Variants in PRKN observed in about 807,000 individuals in gnomAD.
PRKN encodes parkin RBR E3 ubiquitin protein ligase, also known as E3 ubiquitin-protein ligase parkin.
In PRKN, 56 loss-of-function variants were observed where a neutral mutation model predicts 59.5. That is an observed-to-expected ratio of 0.94 (90% CI 0.76 to 1.18). The LOEUF is 1.18. Among genes scored for constraint, PRKN ranks in the 50% most tolerant of loss-of-function variants. PRKN has a pLI of 0.00. For synonymous variants in PRKN, 250 were observed against 222.1 expected (o/e 1.13, Z -1.12); for missense variants, 657 against 596.4 (o/e 1.10, Z -1.06).
chr6:162,433,192 G>A (rs1583565012), intron 2 of PRKN, among the ~76,000 whole-genome samples: 1 of 152,266 alleles, frequency 6.6e-6, no homozygotes, highest in South Asian at 2.1e-4. Context: ...TTGCTTATGT[G>A]TCAGTCCTTT....
chr6:161,384,096 T>A (rs997127396), intron 10 of PRKN, among the ~76,000 whole-genome samples: 1 of 152,106 alleles, frequency 6.6e-6, no homozygotes, highest in African/African-American at 2.4e-5. Flanking sequence ...TAACTATACC[T>A]CCTCAGAATT....
chr6:161,777,054 A>C (rs1789955699), intron 7 of PRKN, among the ~76,000 whole-genome samples: 1 of 152,076 alleles, frequency 6.6e-6, no homozygotes, highest in Non-Finnish European at 1.5e-5. Flanking sequence ...TAGAGCCATA[A>C]CTCTCTGGCT....
rs1462019993 is a variant in PRKN, at chr6:161,423,318, A to G, written c.1084-36441T>C. Among the ~76,000 whole-genome samples, 1 of 152,216 alleles carries G rather than the reference A, an allele frequency of 6.6e-6. No homozygotes were observed. The highest frequency in any genetic ancestry group is 1.5e-5 in the Non-Finnish European group (1 of 68,046). The stretch of plus-strand genomic sequence containing the variant: ...CTTTCTAATGTACATAGAGGTGTCT[A>G]CATGCAAACGGATAGCAGCTGAGAC... On this transcript the variant is annotated intron_variant, in intron 9 of 11. Transcript: ENST00000366898. The surrounding 1 kb of genome is among the most constrained non-coding windows in gnomAD (Gnocchi z 5.9).
At chr6:162,043,121 C>T (rs1784127376) in intron 5 of PRKN, among the ~76,000 whole-genome samples, 1 of 152,114 alleles carries the variant, frequency 6.6e-6, no homozygotes, top group Non-Finnish European at 1.5e-5. Context: ...CTGATAAACC[C>T]ATCAGATCTC....
rs368443102 is a variant in PRKN at position 161,581,041 on chromosome 6, A to AACACAG, written c.872-11626_872-11625insCTGTGT. ...ACACAGTGAAATCCTGTCTCTACTAAACACACACACACACACACACACACA... is the reference window on the plus strand; with the variant it reads ...ACACAGTGAAATCCTGTCTCTACTAAACACAGACACACACACACACACACACACACA... On this transcript the variant is annotated intron_variant, in intron 7 of 11. Transcript: ENST00000366898. This position sits in a 1 kb window ranked among gnomAD's most constrained non-coding sequence, Gnocchi z 4.5. Among the ~76,000 whole-genome samples the AACACAG allele has an allele frequency of 7.3e-6, 1 of 137,538 alleles. No individual in the cohort carries two copies. Among genetic ancestry groups the AACACAG allele is most frequent in the Non-Finnish European group, 1.6e-5 (1 of 64,424 alleles). 90.2% of individuals were successfully genotyped at this position (137,538 alleles called of 152,430 possible). A position where few individuals can be genotyped will look rare whatever the true frequency, so the allele number is the denominator to read the frequency against.
chr6:162,256,258 T>C (rs1206669047), intron 3 of PRKN, among the ~76,000 whole-genome samples: 2 of 152,190 alleles, frequency 1.3e-5, no homozygotes, highest in Non-Finnish European at 2.9e-5. Context: ...AGATATTTTA[T>C]TAATTCTGTT....
chr6:161,772,692 T>C (rs892461677), intron 7 of PRKN, among the ~76,000 whole-genome samples: 1 of 152,224 alleles, frequency 6.6e-6, no homozygotes, highest in Non-Finnish European at 1.5e-5. Context: ...TCCAGTTTGC[T>C]TTTAAATCTC....
chr6:162,326,829 TGG>T (rs1364026752), intron 2 of PRKN, among the ~76,000 whole-genome samples: 1 of 152,174 alleles, frequency 6.6e-6, no homozygotes, highest in Non-Finnish European at 1.5e-5. Context: ...CTGACTTGCT[TGG>T]GGTTTATGAA....
At chr6:162,573,070 CT>C (rs1250705828) in intron 1 of PRKN, among the ~76,000 whole-genome samples, 3 of 152,198 alleles carry the variant, frequency 2.0e-5, no homozygotes, top group African/African-American at 7.2e-5. Context: ...AAAATCATCT[CT>C]TAATTTTATT....
chr6:162,387,235 A>G (rs78643170), intron 2 of PRKN, among the ~76,000 whole-genome samples: 25 of 35,380 alleles, frequency 7.1e-4, no homozygotes, highest in African/African-American at 2.8e-3. Flanking sequence ...AAAAATAAGC[A>G]AAAAAAAAAA....
chr6:161,540,233 T>C (rs1183578711), intron 9 of PRKN, among the ~76,000 whole-genome samples: 1 of 152,228 alleles, frequency 6.6e-6, no homozygotes, highest in African/African-American at 2.4e-5. Context: ...ATGCAGTTAA[T>C]GTTTTTGAGA....
intron 8 of PRKN, among the ~76,000 whole-genome samples, chr6:161,559,322 C>A (rs1341447421): frequency 6.6e-6 from 1 of 152,162 alleles, no homozygotes; most frequent in Non-Finnish European, 1.5e-5. Context: ...GTTTTCCTCA[C>A]AAGAGTTCCT....
At chr6:161,438,375 G>C (rs1011348928) in intron 9 of PRKN, among the ~76,000 whole-genome samples, 1 of 151,690 alleles carries the variant, frequency 6.6e-6, no homozygotes, top group Non-Finnish European at 1.5e-5. Flanking sequence ...ACACCACCAC[G>C]CCCAGCTATT....
intron 3 of PRKN, 179 bp downstream of exon 3, chr6:162,262,346 C>T (rs772026377): frequency 1.3e-6 from 1 of 757,890 alleles, no homozygotes; most frequent in Non-Finnish European, 2.4e-6. Context: ...ACAATAAATG[C>T]ATTCTCAAAT....
intron 9 of PRKN, among the ~76,000 whole-genome samples, chr6:161,411,554 C>T (rs1229472793): frequency 6.6e-6 from 1 of 152,186 alleles, no homozygotes; most frequent in East Asian, 1.9e-4. Flanking sequence ...GACAGGGATG[C>T]CTAAGAGACC....
chr6:162,271,734 CAT>C (rs1780402244), intron 2 of PRKN, among the ~76,000 whole-genome samples: 1 of 152,072 alleles, frequency 6.6e-6, no homozygotes, highest in East Asian at 1.9e-4. Context: ...AGTTCCCCTC[CAT>C]AGTTTTCAAT....
rs546956067 is a variant in PRKN, at chr6:161,429,439, A to T, written c.1084-42562T>A. Among the ~76,000 whole-genome samples, 1 of 152,276 alleles carries T rather than the reference A, an allele frequency of 6.6e-6. No homozygotes were observed. The highest frequency in any genetic ancestry group is 6.5e-5 in the Admixed American group (1 of 15,286). On this transcript the variant is annotated intron_variant, in intron 9 of 11. Transcript: ENST00000366898. The surrounding 1 kb of genome is among the most constrained non-coding windows in gnomAD (Gnocchi z 4.2). ...GGCAACCTGGGGAGCCATGGTTAAG[A>T]GGGACGGAGAAATAACACGAATGTG...
At chr6:161,634,726 G>A (rs991739304) in intron 7 of PRKN, among the ~76,000 whole-genome samples, 12 of 152,142 alleles carry the variant, frequency 7.9e-5, no homozygotes, top group African/African-American at 2.9e-4. Flanking sequence ...CACCAATTTC[G>A]AATTTGTTCA....
chr6:162,339,210 G>A (rs1441920721), intron 2 of PRKN, among the ~76,000 whole-genome samples: 15 of 149,904 alleles, frequency 1.0e-4, no homozygotes, highest in Admixed American at 6.6e-5. Context: ...GAGCGTCTCC[G>A]CCCGGCAGCC....
Sources: allele counts gnomAD v4.1 joint callset (sites outside exome capture counted in the v4.1 genomes callset), GRCh38; gene constraint gnomAD v4.1.1; non-coding constraint Gnocchi (gnomAD v3.1); transcripts MANE v1.5; gene names NCBI Gene and HGNC (gene_info 2026-07-23, HGNC 2026-07-21).